Variants in PZP observed in about 807,000 individuals in gnomAD.
The protein encoded by PZP is pregnancy zone protein.
A neutral mutation model predicts 179.8 loss-of-function variants in PZP; 150 were observed. The ratio of observed to expected loss-of-function variants is 0.83; its 90% CI spans 0.73 to 0.96. PZP has a LOEUF of 0.96. Ranked by LOEUF, PZP falls within the 40% of genes least tolerant of loss-of-function variation. PZP has a pLI of 0.00. For synonymous variants in PZP, 624 were observed against 652.3 expected (o/e 0.96, Z 0.66); for missense variants, 1,689 against 1,764.0 (o/e 0.96, Z 0.76).
chr12:9,207,199 C>T (rs1944477535), intron 1 of PZP, among the ~76,000 whole-genome samples: 1 of 152,168 alleles, frequency 6.6e-6, no homozygotes, highest in Non-Finnish European at 1.5e-5. Context: ...TATCCCTTTC[C>T]CGATTTGGGA....
intron 10 of PZP, among the ~76,000 whole-genome samples, chr12:9,195,113 G>C (rs1197437779): frequency 6.6e-6 from 1 of 151,940 alleles, no homozygotes; most frequent in Admixed American, 6.6e-5. Context: ...AGCAAAAAAA[G>C]GACAAATATT....
chr12:9,204,127 C>A (rs1260129387), intron 1 of PZP, among the ~76,000 whole-genome samples, 176 bp from the exon 2 acceptor site: 1 of 152,172 alleles, frequency 6.6e-6, no homozygotes, highest in Admixed American at 6.5e-5. Flanking sequence ...TTATCTTTTA[C>A]TCATCAGCCA....
Position 9,151,654 on chromosome 12 carries a change from C to G in PZP, c.4231G>C (p.Val1411Leu), listed in dbSNP as rs376551953. 18 of 1,613,652 alleles carry G rather than the reference C, an allele frequency of 1.1e-5. No individual in the cohort carries two copies. The African/African-American group carries it at 2.4e-4, about 22-fold the overall frequency. Residue 1411 changes from valine (V) to leucine (L), a missense_variant, in exon 33 of 36, where the codon GTG becomes CTG. Coordinates refer to ENST00000261336, the MANE Select transcript of PZP (RefSeq NM_002864.3). ...TTGTTGCTCACTTCTGTCCGGCTCA[C>G]AGAGCTAGATCTTTCAAGCTGGAGA... ...TVKMLERSSS[V>L]SRTEVSNNHV... is the part of the protein sequence containing the mutation.
intron 1 of PZP, among the ~76,000 whole-genome samples, chr12:9,207,142 A>G (rs976333619): frequency 2.0e-5 from 3 of 152,188 alleles, no homozygotes; most frequent in African/African-American, 7.2e-5. Context: ...GAAGAAGGCT[A>G]TTTGTGTTAG....
At chr12:9,140,971 A>C in the PZP span, among the ~76,000 whole-genome samples, 57 of 152,354 alleles carry the variant, frequency 3.7e-4, 2 homozygotes, top group African/African-American at 1.3e-3. Context: ...GCACTGATGG[A>C]AATAACTATA....
At chr12:9,198,932 C>T (rs1466610492) in intron 7 of PZP, among the ~76,000 whole-genome samples, 1 of 152,122 alleles carries the variant, frequency 6.6e-6, no homozygotes, top group African/African-American at 2.4e-5. Context: ...CTGGCATATT[C>T]CTTTACCCTG....
At chr12:9,162,489 C>G (rs1211113633) in intron 22 of PZP, 108 bp downstream of exon 22, 1 of 801,598 alleles carries the variant, frequency 1.2e-6, no homozygotes, top group Non-Finnish European at 2.1e-6. Context: ...TGCTGACTTT[C>G]ATGGAACACT....
chr12:9,140,227 T>G, the PZP span, among the ~76,000 whole-genome samples: 4 of 152,142 alleles, frequency 2.6e-5, no homozygotes, highest in African/African-American at 9.7e-5. Context: ...AAAGATTAAT[T>G]AGGCAGGGTA....
chr12:9,198,524 C>T (rs193227296), intron 7 of PZP, among the ~76,000 whole-genome samples: 52 of 152,130 alleles, frequency 3.4e-4, no homozygotes, highest in African/African-American at 1.0e-3. Context: ...CACACGCACA[C>T]GTGCACTGAC....
chr12:9,185,636 A>G (rs1394268354), intron 13 of PZP, among the ~76,000 whole-genome samples: 1 of 146,576 alleles, frequency 6.8e-6, no homozygotes, highest in Non-Finnish European at 1.5e-5. Context: ...CAATCATCAG[A>G]TTCACCAAGG....
chr12:9,160,685 C>T (rs375405619), intron 23 of PZP, among the ~76,000 whole-genome samples, 195 bp from the exon 24 acceptor site: 8 of 152,002 alleles, frequency 5.3e-5, no homozygotes, highest in African/African-American at 1.7e-4. Context: ...GAGGCCGAGG[C>T]GGGCGGATCA....
Position 9,163,683 on chromosome 12 carries a change from T to A in PZP, c.2721A>T (p.Lys907Asn). 4 of 1,613,798 alleles carry A rather than the reference T, an allele frequency of 2.5e-6. No individual in the cohort carries two copies. Among genetic ancestry groups the A allele is most frequent in the Non-Finnish European group, 2.5e-6 (3 of 1,179,822 alleles). Residue 907 changes from lysine to asparagine, a missense_variant, in exon 21 of 36, where the codon AAA (lysine) becomes AAT (asparagine). Lys to Asn is a moderately conservative substitution (Grantham distance 94, BLOSUM62 0). Transcript: ENST00000261336. Reference sequence around the variant, plus strand: ...AATATGTTACCTCCACCAACAGGGTTTTGATGACTGTGTCTTTTCTTTTAA... The same window carrying A: ...AATATGTTACCTCCACCAACAGGGTATTGATGACTGTGTCTTTTCTTTTAA... ...PEIKRKDTVI[K>N]TLLVEAEGIE...
Position 9,181,080 on chromosome 12 carries a change from A to G in PZP, c.1742T>C (p.Leu581Pro). The G allele has an allele frequency of 1.9e-6, 3 of 1,614,190 alleles. No individual in the cohort carries two copies. Among genetic ancestry groups the G allele is most frequent in the Non-Finnish European group, 2.5e-6 (3 of 1,180,020 alleles). The change falls in exon 15 of 36, where the codon CTG becomes CCG. Residue 581 changes from leucine to proline, a missense_variant. Transcript: ENST00000261336. The stretch of plus-strand genomic sequence containing the variant: ...GGACTGCGGAGCAGCTGCTACTTGC[A>G]GGTGGGCATGTGAGGCTGGGGGACT... ...AQSPPASHAH[L>P]QVAAAPQSLC...
Position 9,208,274 on chromosome 12 carries a change from G to T in PZP, c.68C>A (p.Ser23Ter). 6.2e-7 allele frequency: 1 copy of T among 1,613,360 alleles called. No individual in the cohort carries two copies. The highest frequency in any genetic ancestry group is 1.1e-5 in the South Asian group (1 of 91,052). ...LLLILLSASD[S>*]NSTEPQYMVL... ...TGAGACTTACGGTTCTGTAGAGTTT[G>T]AGTCACTGGCAGAAAGCAGGATAAG... The change falls in exon 1 of 36, where the codon TCA becomes TAA. Residue 23 changes from serine to a stop codon, truncating the protein, a stop_gained. Transcript: ENST00000261336. LOFTEE classifies it high-confidence loss of function.
At chr12:9,195,007 A>G (rs1301002318) in intron 10 of PZP, among the ~76,000 whole-genome samples, 1 of 152,178 alleles carries the variant, frequency 6.6e-6, no homozygotes, top group Non-Finnish European at 1.5e-5. Context: ...AGATTAAATA[A>G]TTATTTAAAA....
chr12:9,146,030 T>G (rs1402382026), downstream of PZP, among the ~76,000 whole-genome samples: 5 of 152,202 alleles, frequency 3.3e-5, no homozygotes, highest in Non-Finnish European at 7.3e-5. Flanking sequence ...GGGTTCATCT[T>G]ACTTAGTTAT....
intron 13 of PZP, among the ~76,000 whole-genome samples, chr12:9,188,192 C>T (rs1943244308): frequency 6.6e-6 from 1 of 152,210 alleles, no homozygotes; most frequent in Non-Finnish European, 1.5e-5. Context: ...AAGTAGACTT[C>T]ATCCCTGGGA....
chr12:9,136,783 G>A, the PZP span, among the ~76,000 whole-genome samples: 1 of 152,132 alleles, frequency 6.6e-6, no homozygotes, highest in Non-Finnish European at 1.5e-5. Flanking sequence ...TAGTGGCATT[G>A]AGCATTTTTT....
At position 9,170,720 on chromosome 12, in the gene PZP, C is replaced by T. The variant is rs1471944177; in HGVS notation, c.1840-1129G>A. Among the ~76,000 whole-genome samples, 1 of 152,192 alleles carries T rather than the reference C, an allele frequency of 6.6e-6. No individual in the cohort carries two copies. Among genetic ancestry groups the T allele is most frequent in the Admixed American group, 6.5e-5 (1 of 15,282 alleles). ...GTCCCCCACGATGCAGCACAGCTGC[C>T]TTGCCAGATTGTGATCAGACTGCTT... On this transcript the variant is annotated intron_variant, in intron 15 of 35. Transcript: ENST00000261336. The surrounding 1 kb of genome is among the most constrained non-coding windows in gnomAD (Gnocchi z 4.6).
Sources: allele counts gnomAD v4.1 joint callset (sites outside exome capture counted in the v4.1 genomes callset), GRCh38; gene constraint gnomAD v4.1.1; non-coding constraint Gnocchi (gnomAD v3.1); transcripts MANE v1.5; gene names NCBI Gene and HGNC (gene_info 2026-07-23, HGNC 2026-07-21).